PPP6R2: variants seen among roughly 807,000 people sequenced by gnomAD.
PPP6R2 encodes protein phosphatase 6 regulatory subunit 2.
Under a neutral mutation model 100.2 loss-of-function variants are expected in PPP6R2, and 62 were observed. That is an observed-to-expected ratio of 0.62 (90% CI 0.50 to 0.76). PPP6R2 has a LOEUF of 0.76. Ranked by LOEUF, PPP6R2 falls within the 30% of genes least tolerant of loss-of-function variation. PPP6R2 has a pLI of 0.00. For synonymous variants in PPP6R2, 525 were observed against 514.7 expected, an observed-to-expected ratio of 1.02 and a Z score of -0.27; for missense variants, 1,142 against 1,276.3, an observed-to-expected ratio of 0.89 and a Z score of 1.60.
intron 1 of PPP6R2, among the ~76,000 whole-genome samples, chr22:50,349,973 C>T (rs1367567791): frequency 6.6e-6 from 1 of 151,932 alleles, no homozygotes; most frequent in Non-Finnish European, 1.5e-5. Context: ...CAAAAATTAG[C>T]CAGGCGTGGT....
intron 3 of PPP6R2, among the ~76,000 whole-genome samples, chr22:50,394,565 C>T (rs1160182460): frequency 7.0e-6 from 1 of 142,554 alleles, no homozygotes; most frequent in Non-Finnish European, 1.5e-5. Flanking sequence ...TGCCACTGCA[C>T]TCCAGCCTGG....
At chr22:50,379,127 T>C (rs1212383587) in intron 2 of PPP6R2, among the ~76,000 whole-genome samples, 60 of 152,182 alleles carry the variant, frequency 3.9e-4, no homozygotes, top group Admixed American at 3.9e-3. Context: ...CTGTTGTTTA[T>C]AAATTACCCA....
At position 50,402,253 on chromosome 22, in the gene PPP6R2, A is replaced by G. The variant is rs143692649; in HGVS notation, c.228-4436A>G. Among the ~76,000 whole-genome samples, 61 of 151,180 alleles carry G rather than the reference A, an allele frequency of 4.0e-4. No homozygotes were observed. The East Asian group carries it at 0.011, about 28-fold the overall frequency. On this transcript the variant is annotated intron_variant, in intron 3 of 23. Transcript: ENST00000612753. ...ATTTTTCCCAGAAAAGAATCCTTCT[A>G]GCTCTCCCCTGTGGGGAATGGACCT...
At chr22:50,379,841 C>T (rs1247545055) in intron 2 of PPP6R2, among the ~76,000 whole-genome samples, 1 of 152,186 alleles carries the variant, frequency 6.6e-6, no homozygotes, top group Non-Finnish European at 1.5e-5. Context: ...CCACCATACT[C>T]CAGCCTGGGT....
intron 2 of PPP6R2, 72 bp from the exon 3 acceptor site, chr22:50,393,821 G>T: frequency 2.5e-6 from 4 of 1,587,496 alleles, no homozygotes; most frequent in South Asian, 1.2e-5. Context: ...GACCCCTTTG[G>T]ACTTGGGTCT....
At chr22:50,441,437 G>A (rs1203195583) in intron 22 of PPP6R2, among the ~76,000 whole-genome samples, 3 of 152,182 alleles carry the variant, frequency 2.0e-5, no homozygotes, top group Non-Finnish European at 4.4e-5. Context: ...CCTGGTGGTC[G>A]GGGAGGGGCA....
In PPP6R2 at chr22:50,423,576, C is replaced by G; in HGVS notation, c.1087C>G (p.Gln363Glu). 1 of 1,614,200 alleles carries G rather than the reference C, an allele frequency of 6.2e-7. No individual in the cohort carries two copies. Among genetic ancestry groups the G allele is most frequent in the Non-Finnish European group, 8.5e-7 (1 of 1,180,052 alleles). The change falls in exon 10 of 24, where the codon CAG becomes GAG. Residue 363 changes from glutamine (Q) to glutamate (E), a missense_variant. By Grantham distance (29) the Gln-to-Glu change is conservative. Transcript: ENST00000612753. The surrounding 1 kb of genome is among the most constrained non-coding windows in gnomAD (Gnocchi z 4.8). ...GCACACAAACACACCCAGCATCAACCAGGAGCTCTGCCGGCTCAACACGAT... is the reference window on the plus strand; with the variant it reads ...GCACACAAACACACCCAGCATCAACGAGGAGCTCTGCCGGCTCAACACGAT... ...LLHTNTPSINQELCRLNTMDL... is the reference protein window; with the variant it reads ...LLHTNTPSINEELCRLNTMDL...
Position 50,441,034 on chromosome 22 carries a change from G to C in PPP6R2, c.2579+8G>C. The C allele has an allele frequency of 6.4e-7, 1 of 1,555,124 alleles. No individual in the cohort carries two copies. Among genetic ancestry groups the C allele is most frequent in the Non-Finnish European group, 8.7e-7 (1 of 1,147,820 alleles). On this transcript the variant is annotated splice_region_variant and intron_variant, in intron 22 of 23. Coordinates refer to ENST00000612753, the MANE Select transcript of PPP6R2 (RefSeq NM_001242898.2). ...AGAGGAGGCTGTCGGCAGGTGTGTG[G>C]GGCGTGGCGGGGGCGGGCCTGCCGG...
intron 12 of PPP6R2, among the ~76,000 whole-genome samples, chr22:50,434,591 G>A (rs1296888754): frequency 9.7e-6 from 1 of 102,610 alleles, no homozygotes; most frequent in Admixed American, 9.4e-5. Flanking sequence ...GAGGAGGGCC[G>A]GGGGCATGGA....
Position 50,351,026 on chromosome 22 carries a change from G to GGTTTTTTT in PPP6R2, c.-148+7476_-148+7477insGTTTTTTT, listed in dbSNP as rs1386357403. ...TTTCTGAGCAGTAGGTCTCAACAGT[G>GGTTTTTTT]TTTTTTTTTTTTTTTTTTTTTTTTT... is the stretch of plus-strand genomic sequence containing the variant. On this transcript the variant is annotated intron_variant, in intron 1 of 23. Coordinates refer to ENST00000612753, the MANE Select transcript of PPP6R2 (RefSeq NM_001242898.2). 2.0e-4 allele frequency among the ~76,000 whole-genome samples: 16 copies of GGTTTTTTT among 80,746 alleles called. 3 individuals carry two copies. Among genetic ancestry groups the GGTTTTTTT allele is most frequent in the African/African-American group, 6.7e-4 (13 of 19,516 alleles). 53.0% of individuals were successfully genotyped at this position (80,746 alleles called of 152,430 possible). A position where few individuals can be genotyped will look rare whatever the true frequency, so the allele number is the denominator to read the frequency against.
At chr22:50,421,193 C>T (rs888982746) in intron 8 of PPP6R2, among the ~76,000 whole-genome samples, 2 of 152,052 alleles carry the variant, frequency 1.3e-5, no homozygotes, top group African/African-American at 4.8e-5. Flanking sequence ...TCTAGTTAGG[C>T]AACTGGAATA....
intron 22 of PPP6R2, among the ~76,000 whole-genome samples, chr22:50,442,631 C>G (rs1042449417): frequency 6.6e-6 from 1 of 152,112 alleles, no homozygotes; most frequent in Non-Finnish European, 1.5e-5. Flanking sequence ...CTCCCTGCAA[C>G]CTCCGCCTCC....
At chr22:50,436,553 G>A in intron 14 of PPP6R2, 101 bp downstream of exon 14, 1 of 1,174,136 alleles carries the variant, frequency 8.5e-7, no homozygotes, top group Non-Finnish European at 1.2e-6. Flanking sequence ...GGAGGCACAA[G>A]GGCCGCACGC....
Position 50,432,171 on chromosome 22 carries a change from C to T in PPP6R2, c.1336-94C>T. On this transcript the variant is annotated intron_variant, in intron 11 of 23. Coordinates refer to ENST00000612753, the MANE Select transcript of PPP6R2 (RefSeq NM_001242898.2). Reference sequence around the variant, plus strand: ...GCCTGCAAAGTCCACACAGACGTGGCCGCCAGCCAGCCCTGCCCAGTCCAG... The same window carrying T: ...GCCTGCAAAGTCCACACAGACGTGGTCGCCAGCCAGCCCTGCCCAGTCCAG... 5.0e-6 allele frequency: 6 copies of T among 1,197,102 alleles called. No individual in the cohort carries two copies. In the South Asian group the frequency reaches 6.8e-5, roughly 14 times the overall value. 74.2% of individuals were successfully genotyped at this position (1,197,102 alleles called of 1,614,324 possible).
intron 8 of PPP6R2, among the ~76,000 whole-genome samples, chr22:50,419,836 T>C (rs144808345): frequency 1.3e-5 from 2 of 152,344 alleles, no homozygotes; most frequent in African/African-American, 4.8e-5. Flanking sequence ...CATGGTTACA[T>C]ATACATGTGT....
In PPP6R2 at chr22:50,394,024, C is replaced by T; in HGVS notation, c.116C>T (p.Ala39Val). 3 of 1,614,160 alleles carry T rather than the reference C, an allele frequency of 1.9e-6. No homozygotes were observed. The South Asian group carries it at 3.3e-5, about 18-fold the overall frequency. Residue 39 changes from alanine to valine, a missense_variant, in exon 3 of 24, where the codon GCT becomes GTT. Transcript: ENST00000612753. The part of the protein sequence containing the change: ...DEDDILQECK[A>V]QNQKLLDFLC... ...GATGACATCTTGCAGGAGTGTAAGG[C>T]TCAGAACCAGAAGCTGCTGGACTTC...
At chr22:50,351,409 C>T (rs1024753380) in intron 1 of PPP6R2, among the ~76,000 whole-genome samples, 10 of 149,040 alleles carry the variant, frequency 6.7e-5, no homozygotes, top group Admixed American at 5.4e-4. Flanking sequence ...TTAAAAGTCA[C>T]CAGCTGCATT....
intron 3 of PPP6R2, among the ~76,000 whole-genome samples, chr22:50,402,504 C>G (rs1027131577): frequency 6.6e-6 from 1 of 152,122 alleles, no homozygotes; most frequent in Non-Finnish European, 1.5e-5. Context: ...GTGTCCAGGC[C>G]TCTCTGGAGT....
At chr22:50,351,726 C>T (rs1415367535) in intron 1 of PPP6R2, among the ~76,000 whole-genome samples, 9 of 152,202 alleles carry the variant, frequency 5.9e-5, no homozygotes, top group South Asian at 2.1e-4. Context: ...CTCTGGTTCC[C>T]GTGTTCAAGT....
Sources: allele counts gnomAD v4.1 joint callset (sites outside exome capture counted in the v4.1 genomes callset), GRCh38; gene constraint gnomAD v4.1.1; non-coding constraint Gnocchi (gnomAD v3.1); transcripts MANE v1.5; gene names NCBI Gene and HGNC (gene_info 2026-07-23, HGNC 2026-07-21).